The following CACNA2D3 variants were observed in gnomAD, a reference collection of about 807,000 sequenced individuals.
The protein encoded by CACNA2D3 is voltage-dependent calcium channel subunit alpha-2/delta-3.
A neutral mutation model predicts 160.6 loss-of-function variants in CACNA2D3; 60 were observed. That is an observed-to-expected ratio of 0.37 (90% CI 0.30 to 0.46). The LOEUF (loss-of-function observed/expected upper bound fraction) is 0.46. Among genes scored for constraint, CACNA2D3 ranks in the 20% least tolerant of loss-of-function variants. The probability of loss-of-function intolerance (pLI) is 1.00; values close to 1 mark genes in which losing one functional copy is unlikely to be tolerated. For synonymous variants in CACNA2D3, 558 were observed against 492.9 expected, an observed-to-expected ratio of 1.13 and a Z score of -1.75; for missense variants, 1,205 against 1,365.0, an observed-to-expected ratio of 0.88 and a Z score of 1.85.
chr3:54,325,067 AG>A (rs1704094286), intron 3 of CACNA2D3, among the ~76,000 whole-genome samples: 2 of 152,172 alleles, frequency 1.3e-5, no homozygotes, highest in Non-Finnish European at 2.9e-5. Context: ...GGCTGCCCCC[AG>A]CCTTTCCTTT....
At chr3:54,452,663 C>G (rs1159767225) in intron 4 of CACNA2D3, among the ~76,000 whole-genome samples, 1 of 152,186 alleles carries the variant, frequency 6.6e-6, no homozygotes, top group African/African-American at 2.4e-5. Context: ...GTACCAAAAT[C>G]TGTATTAATT....
At chr3:54,143,318 A>G (rs191040428) in intron 2 of CACNA2D3, among the ~76,000 whole-genome samples, 1 of 152,216 alleles carries the variant, frequency 6.6e-6, no homozygotes, top group Admixed American at 6.5e-5. Context: ...CCTTGTGTTC[A>G]TGTATAAATG....
intron 35 of CACNA2D3, among the ~76,000 whole-genome samples, chr3:55,024,960 G>A (rs1703533912): frequency 1.3e-5 from 2 of 152,158 alleles, no homozygotes; most frequent in Admixed American, 6.5e-5. Flanking sequence ...GTTTTATAAT[G>A]ATTGAGATCC....
At chr3:54,806,740 C>T (rs1332905662) in intron 13 of CACNA2D3, among the ~76,000 whole-genome samples, 15 of 151,956 alleles carry the variant, frequency 9.9e-5, no homozygotes, top group East Asian at 3.9e-4. Context: ...GAGCCCGCAT[C>T]GCCAAGTCAA....
intron 9 of CACNA2D3, chr3:54,626,256 C>G (rs1699098214): frequency 8.1e-7 from 1 of 1,229,988 alleles, no homozygotes; most frequent in South Asian, 1.3e-5. Context: ...TCCGCAGGTT[C>G]ACCTACCGTG....
At position 54,862,405 on chromosome 3, in the gene CACNA2D3, GCA is replaced by G. The variant is rs1306488649; in HGVS notation, c.1627-9126_1627-9125del. 1.2e-4 allele frequency among the ~76,000 whole-genome samples: 17 copies of G among 138,746 alleles called. No homozygotes were observed. In the East Asian group the frequency reaches 2.2e-3, roughly 18 times the overall value. 91.0% of individuals were successfully genotyped at this position (138,746 alleles called of 152,430 possible). On this transcript the variant is annotated intron_variant, in intron 17 of 37. Transcript: ENST00000474759. Reference sequence around the variant, plus strand: ...CACACACACACACACACACACACACGCACACACACGCACACGTGATGAAGGCT... The same window carrying G: ...CACACACACACACACACACACACACGCACACACGCACACGTGATGAAGGCT...
chr3:54,274,784 C>A (rs1702700837), intron 2 of CACNA2D3, among the ~76,000 whole-genome samples: 1 of 152,206 alleles, frequency 6.6e-6, no homozygotes, highest in South Asian at 2.1e-4. Context: ...GGCTTCCAGG[C>A]CTTGCTGGCT....
intron 2 of CACNA2D3, among the ~76,000 whole-genome samples, chr3:54,297,398 G>C (rs952839339): frequency 6.6e-6 from 1 of 152,080 alleles, no homozygotes; most frequent in Admixed American, 6.6e-5. Flanking sequence ...AGTCCTGGTG[G>C]GGGGTGTAGG....
chr3:54,148,127 G>T (rs569536836), intron 2 of CACNA2D3, among the ~76,000 whole-genome samples: 3 of 152,182 alleles, frequency 2.0e-5, no homozygotes, highest in African/African-American at 7.2e-5. Flanking sequence ...ACTGGCTTCC[G>T]CGATGGCCCA....
At chr3:54,829,546 C>G (rs1703823597) in intron 14 of CACNA2D3, among the ~76,000 whole-genome samples, 1 of 152,160 alleles carries the variant, frequency 6.6e-6, no homozygotes, top group Admixed American at 6.5e-5. Flanking sequence ...GCTGTTCTCC[C>G]TGGTGCCCTC....
intron 5 of CACNA2D3, among the ~76,000 whole-genome samples, chr3:54,513,521 C>G (rs1403441253): frequency 6.6e-6 from 1 of 152,156 alleles, no homozygotes; most frequent in African/African-American, 2.4e-5. Flanking sequence ...TAGAGACTTG[C>G]TCAGAATTAC....
intron 11 of CACNA2D3, among the ~76,000 whole-genome samples, chr3:54,718,174 CCCACCCTGTAGTT>C (rs1281989325): frequency 1.8e-4 from 28 of 152,212 alleles, no homozygotes; most frequent in African/African-American, 6.3e-4. Flanking sequence ...AATATCTTCT[CCCACCCTGTAGTT>C]TGCTCTTCTT....
At chr3:54,794,877 T>C (rs1167432354) in intron 13 of CACNA2D3, among the ~76,000 whole-genome samples, 1 of 152,094 alleles carries the variant, frequency 6.6e-6, no homozygotes, top group East Asian at 1.9e-4. Flanking sequence ...CTTGGTATTG[T>C]TTTCTTTTTG....
At chr3:54,465,710 C>G (rs1013161250) in intron 4 of CACNA2D3, among the ~76,000 whole-genome samples, 7 of 152,172 alleles carry the variant, frequency 4.6e-5, no homozygotes, top group Non-Finnish European at 1.0e-4. Context: ...GCCAAAACCG[C>G]AATTACTTTT....
At chr3:54,231,695 A>G (rs986497861) in intron 2 of CACNA2D3, among the ~76,000 whole-genome samples, 3 of 152,188 alleles carry the variant, frequency 2.0e-5, no homozygotes, top group Non-Finnish European at 4.4e-5. Context: ...CTATTAGGTA[A>G]TTTTATAAAA....
At position 54,969,822 on chromosome 3, in the gene CACNA2D3, G is replaced by A. The variant is rs1321838502; in HGVS notation, c.2534G>A (p.Cys845Tyr). ...CAGTGTGCTTCCCTGGATGGCAAAT[G>A]CTCCATCAGCTGTGATGATGAGGTA... Reference protein sequence around the residue: ...SRQCASLDGKCSISCDDETVN... With the variant: ...SRQCASLDGKYSISCDDETVN... The change falls in exon 29 of 38, where the codon TGC becomes TAC. Residue 845 changes from cysteine (C) to tyrosine (Y), a missense_variant. Around this residue, in one of 3 missense-constraint regions of CACNA2D3, gnomAD observed 911 missense variants for 1,002.2 expected, o/e 0.91. Transcript: ENST00000474759. 1 of 1,613,476 alleles carries A rather than the reference G, an allele frequency of 6.2e-7. No homozygotes were observed. The highest frequency in any genetic ancestry group is 8.5e-7 in the Non-Finnish European group (1 of 1,179,626).
At chr3:54,660,519 C>T (rs1020246603) in intron 11 of CACNA2D3, among the ~76,000 whole-genome samples, 3 of 152,128 alleles carry the variant, frequency 2.0e-5, no homozygotes, top group Non-Finnish European at 4.4e-5. Flanking sequence ...AATGAAGCTC[C>T]TTCTTCCTGT....
At chr3:54,807,297 C>G (rs1261191628) in intron 13 of CACNA2D3, among the ~76,000 whole-genome samples, 1 of 152,096 alleles carries the variant, frequency 6.6e-6, no homozygotes, top group Non-Finnish European at 1.5e-5. Flanking sequence ...ATTTTCGCAA[C>G]CTTCTCATCT....
At chr3:54,289,946 A>G (rs534911233) in intron 2 of CACNA2D3, among the ~76,000 whole-genome samples, 92 of 152,104 alleles carry the variant, frequency 6.0e-4, no homozygotes, top group Non-Finnish European at 1.2e-3. Flanking sequence ...ACCTAAAACC[A>G]TAAAAACCCT....
Sources: gnomAD v4.1 joint callset for allele counts (sites outside exome capture counted in the v4.1 genomes callset) on GRCh38, gnomAD v4.1.1 for gene constraint, gnomAD v4.1.1 regional missense constraint, MANE v1.5 for transcripts, NCBI Gene and HGNC (gene_info 2026-07-23, HGNC 2026-07-21) for gene names.